Variants in HMGXB4 observed in about 807,000 individuals in gnomAD.
The protein encoded by HMGXB4 is HMG domain-containing protein 4.
Under a neutral mutation model 63.9 loss-of-function variants are expected in HMGXB4, and 27 were observed. The ratio of observed to expected loss-of-function variants is 0.42; its 90% CI spans 0.31 to 0.58. The LOEUF (loss-of-function observed/expected upper bound fraction) is 0.58, where lower values mean the gene tolerates loss of function less well. HMGXB4 is among the 20% of genes least tolerant of loss of function. HMGXB4 has a pLI of 0.13. For synonymous variants in HMGXB4, 264 were observed against 265.3 expected (o/e 0.99, Z 0.05); for missense variants, 624 against 700.7 (o/e 0.89, Z 1.24).
chr22:35,266,502 A>G (rs1267612974), intron 5 of HMGXB4, among the ~76,000 whole-genome samples: 1 of 152,234 alleles, frequency 6.6e-6, no homozygotes, highest in Non-Finnish European at 1.5e-5. Context: ...ACTGTTGATT[A>G]GGGAGATAGG....
chr22:35,285,961 CT>C (rs1569005253), intron 6 of HMGXB4, 35 bp from the exon 7 acceptor site: 19 of 1,488,844 alleles, frequency 1.3e-5, no homozygotes, highest in Non-Finnish European at 1.8e-5. Flanking sequence ...ATAGCTAACC[CT>C]TTACTGTATT....
At chr22:35,286,613 G>C (rs914569407) in intron 7 of HMGXB4, among the ~76,000 whole-genome samples, 2 of 152,180 alleles carry the variant, frequency 1.3e-5, no homozygotes, top group African/African-American at 2.4e-5. Context: ...ACTTTGGGAG[G>C]CTGAGGCGGT....
At chr22:35,253,886 T>C (rs973305844), upstream of HMGXB4, among the ~76,000 whole-genome samples, 3 of 152,210 alleles carry the variant, frequency 2.0e-5, no homozygotes, top group African/African-American at 7.2e-5. Flanking sequence ...CTTTATTTTT[T>C]TAATTTTGCA....
At chr22:35,273,477 G>A (rs1923728568) in intron 5 of HMGXB4, among the ~76,000 whole-genome samples, 1 of 152,208 alleles carries the variant, frequency 6.6e-6, no homozygotes, top group Admixed American at 6.5e-5. Context: ...ATTAAATTAG[G>A]TGGTGCATGT....
chr22:35,265,136 A>G lies in HMGXB4; in HGVS notation c.748A>G (p.Lys250Glu), dbSNP rs761971332. Residue 250 changes from lysine (K) to glutamate (E), a missense_variant, in exon 5 of 11, where the codon AAA becomes GAA. Physicochemically the swap from Lys to Glu is moderately conservative, Grantham distance 56 (BLOSUM62 1). Transcript: ENST00000216106. ...ACAGAGCTTTCTGAAAACAGCCCGG[A>G]AAAAGCACAAGTCATCCTCAGACGC... ...ELQSFLKTAR[K>E]KHKSSSDAHS... is the part of the protein sequence containing the mutation. 5 of 1,614,042 alleles carry G rather than the reference A, an allele frequency of 3.1e-6. No individual in the cohort carries two copies. The highest frequency in any genetic ancestry group is 2.2e-5 in the South Asian group (2 of 91,082).
the HMGXB4 span, among the ~76,000 whole-genome samples, chr22:35,248,529 C>T: frequency 5.3e-5 from 8 of 151,636 alleles, no homozygotes; most frequent in African/African-American, 1.5e-4. Context: ...GCCACCTTCC[C>T]GAGTAGCTGG....
chr22:35,241,729 G>C, the HMGXB4 span, among the ~76,000 whole-genome samples: 1 of 152,302 alleles, frequency 6.6e-6, no homozygotes, highest in Admixed American at 6.5e-5. Context: ...GGGAGAGGGG[G>C]GTCTCCCTTT....
intron 5 of HMGXB4, among the ~76,000 whole-genome samples, chr22:35,266,731 C>A (rs532829963): frequency 1.1e-3 from 164 of 152,218 alleles, no homozygotes; most frequent in African/African-American, 3.8e-3. Context: ...GCCTGTAATC[C>A]CAGCACTTTG....
At chr22:35,265,644 C>G (rs776506029) in intron 5 of HMGXB4, 41 bp downstream of exon 5, 4 of 1,478,616 alleles carry the variant, frequency 2.7e-6, no homozygotes, top group Non-Finnish European at 3.6e-6. Flanking sequence ...AGAGATTAAG[C>G]AGGTTCTTCC....
Position 35,265,499 on chromosome 22 carries a change from G to A in HMGXB4, c.1111G>A (p.Ala371Thr), listed in dbSNP as rs1173597066. 6.2e-7 allele frequency: 1 copy of A among 1,613,716 alleles called. No homozygotes were observed. The highest frequency in any genetic ancestry group is 2.2e-5 in the East Asian group (1 of 44,826). The change falls in exon 5 of 11, where the codon GCA (alanine) becomes ACA (threonine). Residue 371 changes from alanine to threonine, a missense_variant. Physicochemically the swap from Ala to Thr is moderately conservative, Grantham distance 58. Around this residue, in one of 2 missense-constraint regions of HMGXB4, gnomAD observed 472 missense variants for 470.6 expected, o/e 1.00. Transcript: ENST00000216106. ...GPPPSIPYAG[A>T]AAPPLPLPGL... ...TCCTCCCAGCATCCCATACGCTGGA[G>A]CAGCAGCACCTCCCCTGCCACTTCC...
chr22:35,280,382 A>G (rs1924174719), intron 5 of HMGXB4, among the ~76,000 whole-genome samples: 1 of 152,216 alleles, frequency 6.6e-6, no homozygotes. Flanking sequence ...ACGAGTAAAT[A>G]GCGTGGTCAG....
At chr22:35,247,358 C>G in the HMGXB4 span, among the ~76,000 whole-genome samples, 2 of 152,194 alleles carry the variant, frequency 1.3e-5, no homozygotes, top group African/African-American at 4.8e-5. Context: ...CAGCACTCCA[C>G]GAGCTACAGA....
At chr22:35,263,273 T>G (rs1457314730) in intron 3 of HMGXB4, 47 bp downstream of exon 3, 6 of 1,522,820 alleles carry the variant, frequency 3.9e-6, no homozygotes, top group Non-Finnish European at 5.3e-6. Context: ...CTACTCATTT[T>G]TTTTTGGTGA....
chr22:35,287,948 CAAA>C (rs879944527), intron 8 of HMGXB4, among the ~76,000 whole-genome samples: 1 of 139,632 alleles, frequency 7.2e-6, no homozygotes, highest in African/African-American at 2.6e-5. Flanking sequence ...AACTCCATCT[CAAA>C]AAAAAAAAGG....
At chr22:35,267,648 G>C (rs542539723) in intron 5 of HMGXB4, among the ~76,000 whole-genome samples, 1 of 150,486 alleles carries the variant, frequency 6.6e-6, no homozygotes, top group African/African-American at 2.5e-5. Context: ...TGTATTCCCA[G>C]TATCCCGCCA....
intron 5 of HMGXB4, among the ~76,000 whole-genome samples, chr22:35,271,792 C>A (rs902377371): frequency 6.6e-6 from 1 of 152,152 alleles, no homozygotes; most frequent in African/African-American, 2.4e-5. Context: ...ACTACTAGTT[C>A]AAAGTAATTC....
At chr22:35,258,118 G>A (rs1029509129) in intron 1 of HMGXB4, 1 of 152,256 alleles carries the variant, frequency 6.6e-6, no homozygotes, top group Non-Finnish European at 1.5e-5. Flanking sequence ...CAAAACTGCC[G>A]GGAGAATCCC....
At position 35,262,318 on chromosome 22, in the gene HMGXB4, C is replaced by A; in HGVS notation, c.-68-5C>A. The A allele has an allele frequency of 6.7e-7, 1 of 1,491,612 alleles. No individual in the cohort carries two copies. The highest frequency in any genetic ancestry group is 9.4e-7 in the Non-Finnish European group (1 of 1,069,268). 92.4% of individuals were successfully genotyped at this position (1,491,612 alleles called of 1,614,324 possible). Reference sequence around the variant, plus strand: ...ACAGGAGGGTTTTCCTTCTTTGTTTCTCAGACCTGGTCCTGTAGACGGGAA... The same window carrying A: ...ACAGGAGGGTTTTCCTTCTTTGTTTATCAGACCTGGTCCTGTAGACGGGAA... On this transcript the variant is annotated splice_polypyrimidine_tract_variant and splice_region_variant and intron_variant, in intron 1 of 10. Transcript: ENST00000216106.
chr22:35,274,130 C>A (rs1234605489), intron 5 of HMGXB4, among the ~76,000 whole-genome samples: 1 of 152,216 alleles, frequency 6.6e-6, no homozygotes, highest in Non-Finnish European at 1.5e-5. Flanking sequence ...TGTTGAACTT[C>A]AGCAGAGGCA....
Sources: gnomAD v4.1 joint callset for allele counts (sites outside exome capture counted in the v4.1 genomes callset) on GRCh38, gnomAD v4.1.1 for gene constraint, gnomAD v4.1.1 regional missense constraint, MANE v1.5 for transcripts, NCBI Gene and HGNC (gene_info 2026-07-23, HGNC 2026-07-21) for gene names.